EGFR: variants seen among roughly 807,000 people sequenced by gnomAD.
EGFR encodes the protein epidermal growth factor receptor.
Under a neutral mutation model 143.0 loss-of-function variants are expected in EGFR, and 58 were observed. The ratio of observed to expected loss-of-function variants is 0.41; its 90% CI spans 0.33 to 0.50. The LOEUF is 0.50. Among genes scored for constraint, EGFR ranks in the 20% least tolerant of loss-of-function variants. The pLI is 0.39. For synonymous variants in EGFR, 613 were observed against 594.4 expected, an observed-to-expected ratio of 1.03 and a Z score of -0.45; for missense variants, 1,307 against 1,579.0, an observed-to-expected ratio of 0.83 and a Z score of 2.92.
intron 22 of EGFR, 56 bp downstream of exon 22, chr7:55,192,897 T>C (rs890757281): frequency 1.8e-5 from 26 of 1,471,644 alleles, no homozygotes; most frequent in Non-Finnish European, 2.5e-5. Flanking sequence ...TGGCTTTTAT[T>C]GTTAGTTAAT....
intron 1 of EGFR, among the ~76,000 whole-genome samples, chr7:55,064,148 T>A (rs1470111865): frequency 6.6e-6 from 1 of 152,232 alleles, no homozygotes; most frequent in East Asian, 1.9e-4. Flanking sequence ...ACTAGAATTT[T>A]AATTAAAAAA....
intron 22 of EGFR, among the ~76,000 whole-genome samples, chr7:55,197,448 T>C (rs1365051833): frequency 1.3e-5 from 2 of 152,204 alleles, no homozygotes; most frequent in Admixed American, 6.5e-5. Context: ...GATCATGTCA[T>C]CTGCAAACAG....
intron 1 of EGFR, among the ~76,000 whole-genome samples, chr7:55,098,084 C>CA (rs1245256412): frequency 6.6e-6 from 1 of 152,230 alleles, no homozygotes; most frequent in African/African-American, 2.4e-5. Context: ...TCCTCTCATA[C>CA]AGACCCCAGA....
intron 1 of EGFR, among the ~76,000 whole-genome samples, chr7:55,056,412 T>C (rs1201704028): frequency 6.6e-6 from 1 of 152,252 alleles, no homozygotes; most frequent in Non-Finnish European, 1.5e-5. Flanking sequence ...CTCAGAAATA[T>C]ACTTCCTGCT....
At chr7:55,155,341 C>T (rs1403949784) in intron 7 of EGFR, among the ~76,000 whole-genome samples, 1 of 152,222 alleles carries the variant, frequency 6.6e-6, no homozygotes, top group Non-Finnish European at 1.5e-5. Flanking sequence ...GCTCAGGAGG[C>T]TGAGGCAGGA....
At chr7:55,027,992 ATATATATATATATAT>A (rs1387246073) in intron 1 of EGFR, among the ~76,000 whole-genome samples, 36 of 44,692 alleles carry the variant, frequency 8.1e-4, no homozygotes, top group East Asian at 6.1e-3. Context: ...AAAAAAAAAA[ATATATATATATATAT>A]ATATATATAT....
chr7:55,022,573 A>G (rs754905507), intron 1 of EGFR, among the ~76,000 whole-genome samples: 2 of 152,202 alleles, frequency 1.3e-5, no homozygotes, highest in Non-Finnish European at 2.9e-5. Flanking sequence ...TACTGAGTGC[A>G]TAGAATATGC....
At chr7:55,132,673 T>C (rs1793919274) in intron 1 of EGFR, among the ~76,000 whole-genome samples, 1 of 152,214 alleles carries the variant, frequency 6.6e-6, no homozygotes, top group African/African-American at 2.4e-5. Flanking sequence ...CTTCTCTTTC[T>C]GACGTGTGTT....
chr7:55,081,756 C>T (rs1178818190), intron 1 of EGFR, among the ~76,000 whole-genome samples: 1 of 151,464 alleles, frequency 6.6e-6, no homozygotes, highest in Non-Finnish European at 1.5e-5. Flanking sequence ...TTTTCTCTCT[C>T]CAAAACGTGC....
intron 4 of EGFR, 45 bp downstream of exon 4, chr7:55,146,785 G>A (rs2128929757): frequency 6.2e-7 from 1 of 1,613,342 alleles, no homozygotes; most frequent in Non-Finnish European, 8.5e-7. Context: ...CTCCTATGGG[G>A]GACAGCTCTA....
chr7:55,149,330 G>C (rs1049352609), intron 4 of EGFR, among the ~76,000 whole-genome samples: 1 of 151,764 alleles, frequency 6.6e-6, no homozygotes, highest in Non-Finnish European at 1.5e-5. Flanking sequence ...AACATGAGCA[G>C]CCTCTCTCTC....
At chr7:55,199,137 C>G (rs531030042) in intron 23 of EGFR, among the ~76,000 whole-genome samples, 1 of 152,332 alleles carries the variant, frequency 6.6e-6, no homozygotes, top group East Asian at 1.9e-4. Flanking sequence ...ATATTCTATT[C>G]GCTGAGTTAC....
chr7:55,021,881 G>A (rs180917181), intron 1 of EGFR, among the ~76,000 whole-genome samples: 15 of 152,306 alleles, frequency 9.8e-5, no homozygotes, highest in African/African-American at 3.6e-4. Flanking sequence ...CAGCTGGTGG[G>A]AGGCAGACGG....
intron 3 of EGFR, among the ~76,000 whole-genome samples, chr7:55,146,249 C>G (rs531242076): frequency 1.9e-4 from 29 of 152,130 alleles, no homozygotes; most frequent in Admixed American, 3.3e-4. Flanking sequence ...CTGCCTACCC[C>G]CTACATCATG....
intron 1 of EGFR, among the ~76,000 whole-genome samples, chr7:55,066,756 C>T (rs1451807069): frequency 6.6e-6 from 1 of 152,200 alleles, no homozygotes; most frequent in Non-Finnish European, 1.5e-5. Flanking sequence ...TCAGGTCAAG[C>T]CTCTGGCTGC....
In EGFR at chr7:55,170,623, G is replaced by C. The variant is rs779270612; in HGVS notation, c.1881-552G>C. 3,219 of 1,603,272 alleles carry C rather than the reference G, an allele frequency of 2.0e-3. 22 individuals carry two copies. The highest frequency in any genetic ancestry group is 0.01 in the Middle Eastern group (48 of 4,770). On this transcript the variant is annotated intron_variant, in intron 15 of 27. Coordinates refer to ENST00000275493, the MANE Select transcript of EGFR (RefSeq NM_005228.5). ...CACGTGGGCCGCCAGGTTCCCAAGA[G>C]TATCCTACCCATTTCCTTCCTTCCA...
At chr7:55,067,707 C>A (rs1789582433) in intron 1 of EGFR, among the ~76,000 whole-genome samples, 1 of 151,284 alleles carries the variant, frequency 6.6e-6, no homozygotes, top group African/African-American at 2.5e-5. Context: ...TGTGTATATT[C>A]AAGGTGTAGA....
At chr7:55,094,110 G>GT (rs1342424021) in intron 1 of EGFR, among the ~76,000 whole-genome samples, 2 of 152,188 alleles carry the variant, frequency 1.3e-5, no homozygotes, top group African/African-American at 4.8e-5. Flanking sequence ...CCAAGGAAAA[G>GT]TTTTTTCTGA....
At chr7:55,189,118 G>GTA (rs1006328693) in intron 20 of EGFR, among the ~76,000 whole-genome samples, 32 of 121,606 alleles carry the variant, frequency 2.6e-4, no homozygotes, top group Admixed American at 2.4e-3. Flanking sequence ...GTGTGTGTGT[G>GTA]TATATATATA....
Sources: allele counts gnomAD v4.1 joint callset (sites outside exome capture counted in the v4.1 genomes callset), GRCh38; gene constraint gnomAD v4.1.1; transcripts MANE v1.5; gene names NCBI Gene and HGNC (gene_info 2026-07-23, HGNC 2026-07-21).